The following ZNF423 variants were observed in gnomAD, a reference collection of about 807,000 sequenced individuals.
ZNF423 encodes zinc finger protein 423, also known as Ebf-associated zinc finger protein.
In ZNF423, 12 loss-of-function variants were observed where a neutral mutation model predicts 95.8. The observed-to-expected ratio is 0.13, with a 90% CI of 0.08 to 0.20. The LOEUF is 0.20. ZNF423 is among the 10% of genes least tolerant of loss of function. The pLI, the probability that ZNF423 is intolerant of heterozygous loss-of-function variation, is 1.00. For missense variants in ZNF423, 1,316 were observed against 1,737.1 expected (o/e 0.76, Z 4.31); for synonymous variants, 749 against 711.9 (o/e 1.05, Z -0.83).
At chr16:49,512,923 C>G (rs1299446449) in intron 7 of ZNF423, among the ~76,000 whole-genome samples, 1 of 152,016 alleles carries the variant, frequency 6.6e-6, no homozygotes, top group Non-Finnish European at 1.5e-5. Flanking sequence ...TGGTGAAACC[C>G]CTGTCTCTCC....
At chr16:49,656,664 A>G (rs562654565) in intron 3 of ZNF423, among the ~76,000 whole-genome samples, 5 of 152,298 alleles carry the variant, frequency 3.3e-5, no homozygotes, top group African/African-American at 1.2e-4. Context: ...TAATTAATAG[A>G]TTATACTTTG....
chr16:49,700,760 C>A (rs1282202185), intron 3 of ZNF423, among the ~76,000 whole-genome samples: 7 of 152,182 alleles, frequency 4.6e-5, no homozygotes, highest in Non-Finnish European at 5.9e-5. Flanking sequence ...GGCAAACCCC[C>A]CTCCTTGGGC....
chr16:49,538,920 G>A (rs1969151307), intron 5 of ZNF423, among the ~76,000 whole-genome samples: 1 of 152,184 alleles, frequency 6.6e-6, no homozygotes, highest in Non-Finnish European at 1.5e-5. Flanking sequence ...AAACAATCCT[G>A]GCTAATACAT....
intron 3 of ZNF423, among the ~76,000 whole-genome samples, chr16:49,686,867 C>T (rs994182664): frequency 2.6e-5 from 4 of 152,064 alleles, no homozygotes; most frequent in Non-Finnish European, 4.4e-5. Context: ...AGGCAGAACC[C>T]CCATCATCAT....
chr16:49,773,234 G>A (rs980964957), intron 2 of ZNF423, among the ~76,000 whole-genome samples: 4 of 152,028 alleles, frequency 2.6e-5, no homozygotes, highest in Non-Finnish European at 2.9e-5. Flanking sequence ...CAGGAGAATC[G>A]CTTGAACCCA....
intron 5 of ZNF423, among the ~76,000 whole-genome samples, chr16:49,600,730 G>A (rs1019458676): frequency 2.6e-5 from 4 of 152,150 alleles, no homozygotes; most frequent in Non-Finnish European, 4.4e-5. Flanking sequence ...CCCACACTGC[G>A]CCATTAGCTC....
In ZNF423 at chr16:49,491,176, G is replaced by T; in HGVS notation, c.*99C>A. On this transcript the variant is annotated 3_prime_UTR_variant, in exon 8 of 8. Transcript: ENST00000563137. Reference sequence around the variant, plus strand: ...CAAATCATTAGAGTTTTACATCTGGGTTGCAAATGACACTTTGATTGGATG... The same window carrying T: ...CAAATCATTAGAGTTTTACATCTGGTTTGCAAATGACACTTTGATTGGATG... 1 of 1,432,360 alleles carries T rather than the reference G, an allele frequency of 7.0e-7. No individual in the cohort carries two copies. The highest frequency in any genetic ancestry group is 9.8e-7 in the Non-Finnish European group (1 of 1,016,192). 88.7% of individuals were successfully genotyped at this position (1,432,360 alleles called of 1,614,324 possible). A position where few individuals can be genotyped will look rare whatever the true frequency, so the allele number is the denominator to read the frequency against.
chr16:49,835,741 G>T (rs541434308), intron 1 of ZNF423, among the ~76,000 whole-genome samples: 37 of 152,342 alleles, frequency 2.4e-4, no homozygotes, highest in South Asian at 6.2e-4. Context: ...GAGGTGGTGG[G>T]GGGGCAGAGG....
At chr16:49,757,341 G>C (rs1313546950) in intron 2 of ZNF423, among the ~76,000 whole-genome samples, 2 of 152,106 alleles carry the variant, frequency 1.3e-5, no homozygotes, top group African/African-American at 4.8e-5. Context: ...TCTAACAAAG[G>C]GAGCCTTCAG....
Position 49,510,444 on chromosome 16 carries a change from G to A in ZNF423, c.3849+13180C>T, listed in dbSNP as rs78511739. Among the ~76,000 whole-genome samples, 4 of 152,308 alleles carry A rather than the reference G, an allele frequency of 2.6e-5. No individual in the cohort carries two copies. In the East Asian group the frequency reaches 7.7e-4, roughly 29 times the overall value. On this transcript the variant is annotated intron_variant, in intron 7 of 7. Transcript: ENST00000563137. Reference sequence around the variant, plus strand: ...CTTCGCCGCAAAGCAGTAAAAATGAGGCAGTGCTTCCTGAGTGCTGCTAGG... The same window carrying A: ...CTTCGCCGCAAAGCAGTAAAAATGAAGCAGTGCTTCCTGAGTGCTGCTAGG...
Position 49,491,010 on chromosome 16 carries a change from C to T in ZNF423, c.*265G>A. On this transcript the variant is annotated 3_prime_UTR_variant, in exon 8 of 8. Coordinates refer to ENST00000563137, the MANE Select transcript of ZNF423 (RefSeq NM_001379286.1). ...AGCCTTAAAAAGCAGGTTTCTCTAACTCTAGAAATGTAGTCTGCGGCGGAA... is the reference window on the plus strand; with the variant it reads ...AGCCTTAAAAAGCAGGTTTCTCTAATTCTAGAAATGTAGTCTGCGGCGGAA... The T allele has an allele frequency of 2.1e-6, 1 of 485,724 alleles. No individual in the cohort carries two copies. Among genetic ancestry groups the T allele is most frequent in the Non-Finnish European group, 3.7e-6 (1 of 269,798 alleles). 30.1% of individuals were successfully genotyped at this position (485,724 alleles called of 1,614,324 possible).
At chr16:49,556,608 T>A (rs1291097945) in intron 5 of ZNF423, among the ~76,000 whole-genome samples, 2 of 152,096 alleles carry the variant, frequency 1.3e-5, no homozygotes, top group African/African-American at 4.8e-5. Flanking sequence ...CCCCTACCCC[T>A]CTTGGCCACA....
chr16:49,710,770 G>A (rs16947876), intron 3 of ZNF423, among the ~76,000 whole-genome samples: 6,450 of 152,296 alleles, frequency 0.042, 151 homozygotes, highest in Middle Eastern at 0.092. Context: ...GTGACAACAC[G>A]TGGCAATGCT....
At position 49,635,855 on chromosome 16, in the gene ZNF423, G is replaced by T. The variant is rs545010534; in HGVS notation, c.3321C>A (p.Ser1107Arg). The T allele has an allele frequency of 3.1e-6, 5 of 1,594,754 alleles. No individual in the cohort carries two copies. Among genetic ancestry groups the T allele is most frequent in the Admixed American group, 3.6e-5 (2 of 56,242 alleles). The change falls in exon 4 of 8, where the codon AGC (serine) becomes AGA (arginine). Residue 1107 changes from serine (S) to arginine (R), a missense_variant. Physicochemically the swap from Ser to Arg is moderately radical, Grantham distance 110. Around this residue, in one of 6 missense-constraint regions of ZNF423, gnomAD observed 620 missense variants for 775.6 expected, o/e 0.80. Coordinates refer to ENST00000563137, the MANE Select transcript of ZNF423 (RefSeq NM_001379286.1). This position sits in a 1 kb window ranked among gnomAD's most constrained non-coding sequence, Gnocchi z 4.8. ...YGLCAGCMAR[S>R]ANGQVGGLAP... ...CCAGGCCACCCACCTGTCCGTTGGCGCTGCGGGCCATGCAGCCGGCGCAGA... is the reference window on the plus strand; with the variant it reads ...CCAGGCCACCCACCTGTCCGTTGGCTCTGCGGGCCATGCAGCCGGCGCAGA...
At chr16:49,493,151 C>T (rs753099489) in intron 7 of ZNF423, among the ~76,000 whole-genome samples, 10 of 152,116 alleles carry the variant, frequency 6.6e-5, no homozygotes, top group Non-Finnish European at 1.2e-4. Flanking sequence ...CAGGGACAGC[C>T]AGCTAGTCCT....
chr16:49,549,071 T>C (rs1231898781), intron 5 of ZNF423, among the ~76,000 whole-genome samples: 2 of 152,292 alleles, frequency 1.3e-5, no homozygotes, highest in South Asian at 4.2e-4. Context: ...CCACTTCAGA[T>C]GGTTCAAAAT....
intron 1 of ZNF423, among the ~76,000 whole-genome samples, chr16:49,793,201 G>A (rs559182024): frequency 9.1e-6 from 1 of 110,166 alleles, no homozygotes; most frequent in East Asian, 2.6e-4. Flanking sequence ...TGGATCTCCA[G>A]CAATGGCATC....
At position 49,520,366 on chromosome 16, in the gene ZNF423, A is replaced by C. The variant is rs886616100; in HGVS notation, c.3849+3258T>G. Among the ~76,000 whole-genome samples, 9 of 152,328 alleles carry C rather than the reference A, an allele frequency of 5.9e-5. No individual in the cohort carries two copies. The East Asian group carries it at 1.7e-3, about 29-fold the overall frequency. ...CCGAACTTGGAATCAAAGAGGACTCACACCTCCCTTATACTGGCAACTGTG... is the reference window on the plus strand; with the variant it reads ...CCGAACTTGGAATCAAAGAGGACTCCCACCTCCCTTATACTGGCAACTGTG... On this transcript the variant is annotated intron_variant, in intron 7 of 7. Transcript: ENST00000563137.
intron 1 of ZNF423, among the ~76,000 whole-genome samples, chr16:49,828,078 C>G (rs1391557974): frequency 6.6e-6 from 1 of 152,212 alleles, no homozygotes; most frequent in Non-Finnish European, 1.5e-5. Context: ...TCACAGTGGC[C>G]TCCTGCCCAA....
Sources: allele counts gnomAD v4.1 joint callset (sites outside exome capture counted in the v4.1 genomes callset), GRCh38; gene constraint gnomAD v4.1.1; regional missense constraint gnomAD v4.1.1; non-coding constraint Gnocchi (gnomAD v3.1); transcripts MANE v1.5; gene names NCBI Gene and HGNC (gene_info 2026-07-23, HGNC 2026-07-21).